Variants in SHANK2 observed in about 807,000 individuals in gnomAD.
SHANK2 encodes the protein SH3 and multiple ankyrin repeat domains protein 2.
Under a neutral mutation model 133.7 loss-of-function variants are expected in SHANK2, and 43 were observed. That is an observed-to-expected ratio of 0.32 (90% CI 0.25 to 0.41). The LOEUF is 0.41. SHANK2 is among the 10% of genes least tolerant of loss of function. The pLI is 1.00. For missense variants in SHANK2, 1,994 were observed against 2,235.8 expected, an observed-to-expected ratio of 0.89 and a Z score of 2.18; for synonymous variants, 1,017 against 952.8, an observed-to-expected ratio of 1.07 and a Z score of -1.24.
chr11:70,635,754 TG>T (rs1321958139), intron 17 of SHANK2, among the ~76,000 whole-genome samples: 8 of 145,110 alleles, frequency 5.5e-5, no homozygotes, highest in Admixed American at 5.1e-4. Context: ...AAAGTATAAC[TG>T]TAAAAAAAAA....
intron 2 of SHANK2, among the ~76,000 whole-genome samples, chr11:71,204,906 G>C (rs145773410): frequency 6.6e-6 from 1 of 152,214 alleles, no homozygotes; most frequent in Non-Finnish European, 1.5e-5. Flanking sequence ...TCCCAGGTAG[G>C]AGGGTCCCTC....
At chr11:71,229,585 A>G (rs1324933381) in intron 1 of SHANK2, among the ~76,000 whole-genome samples, 3 of 152,010 alleles carry the variant, frequency 2.0e-5, no homozygotes, top group Non-Finnish European at 4.4e-5. Context: ...CCTGGCCAAC[A>G]TGGTGAAACC....
intron 14 of SHANK2, among the ~76,000 whole-genome samples, chr11:70,727,401 C>T (rs7106447): frequency 0.012 from 1,808 of 152,314 alleles, 35 homozygotes; most frequent in African/African-American, 0.041. Flanking sequence ...GGGGTTCCTT[C>T]GGGGATGCCA....
intron 17 of SHANK2, 146 bp downstream of exon 17, chr11:70,659,681 TG>T: frequency 1.0e-6 from 1 of 961,876 alleles, no homozygotes; most frequent in Non-Finnish European, 1.6e-6. Flanking sequence ...GCACCCACGG[TG>T]GGAGAAACTG....
intron 17 of SHANK2, among the ~76,000 whole-genome samples, chr11:70,602,236 T>C (rs1591635687): frequency 6.6e-6 from 1 of 152,222 alleles, no homozygotes; most frequent in Non-Finnish European, 1.5e-5. Flanking sequence ...CCATGCTTCT[T>C]GTACAGCCTG....
intron 14 of SHANK2, among the ~76,000 whole-genome samples, chr11:70,764,073 T>C (rs1417486901): frequency 1.4e-5 from 2 of 141,290 alleles, no homozygotes; most frequent in Admixed American, 1.4e-4. Flanking sequence ...AATCCATCCA[T>C]CCATCCATCC....
intron 4 of SHANK2, among the ~76,000 whole-genome samples, chr11:71,116,650 G>T (rs1461048359): frequency 1.3e-5 from 2 of 152,246 alleles, no homozygotes; most frequent in Non-Finnish European, 2.9e-5. Flanking sequence ...ATGAATTGGA[G>T]AATGGTATGG....
chr11:70,733,006 C>T (rs187442444), intron 14 of SHANK2, among the ~76,000 whole-genome samples: 6 of 152,324 alleles, frequency 3.9e-5, no homozygotes, highest in South Asian at 2.1e-4. Flanking sequence ...CAGATGCTGC[C>T]GATGGAGTGA....
intron 17 of SHANK2, among the ~76,000 whole-genome samples, chr11:70,567,270 G>T (rs1477655830): frequency 6.6e-6 from 1 of 152,184 alleles, no homozygotes; most frequent in Non-Finnish European, 1.5e-5. Flanking sequence ...CTGTAGAGAG[G>T]TAATTAAGTT....
intron 14 of SHANK2, among the ~76,000 whole-genome samples, chr11:70,733,354 A>T (rs1178711712): frequency 1.3e-5 from 2 of 152,242 alleles, no homozygotes; most frequent in African/African-American, 4.8e-5. Flanking sequence ...TATGTGTGAT[A>T]CAGAATGTCT....
At chr11:70,554,086 G>C (rs2059801305) in intron 17 of SHANK2, among the ~76,000 whole-genome samples, 1 of 152,242 alleles carries the variant, frequency 6.6e-6, no homozygotes, top group African/African-American at 2.4e-5. Flanking sequence ...CTCCTTTGTG[G>C]GGAGCAGATG....
intron 11 of SHANK2, among the ~76,000 whole-genome samples, chr11:70,870,863 G>A (rs944820562): frequency 1.7e-4 from 26 of 152,070 alleles, no homozygotes; most frequent in Non-Finnish European, 3.4e-4. Context: ...TGCAGCCTCC[G>A]CCCACACAGA....
At chr11:70,728,236 A>G (rs1403478201) in intron 14 of SHANK2, among the ~76,000 whole-genome samples, 1 of 152,232 alleles carries the variant, frequency 6.6e-6, no homozygotes, top group Non-Finnish European at 1.5e-5. Context: ...AATCCAACAA[A>G]TGAGAGTGTC....
intron 9 of SHANK2, among the ~76,000 whole-genome samples, chr11:71,062,134 T>C (rs1950995764): frequency 6.6e-6 from 1 of 152,062 alleles, no homozygotes; most frequent in African/African-American, 2.4e-5. Flanking sequence ...TTTTGTATTT[T>C]CTGTAGAGAC....
At chr11:71,121,740 G>A (rs1333333692) in intron 3 of SHANK2, among the ~76,000 whole-genome samples, 1 of 152,164 alleles carries the variant, frequency 6.6e-6, no homozygotes, top group Non-Finnish European at 1.5e-5. Flanking sequence ...ATTAATTTTT[G>A]TATAAGGTGT....
chr11:70,580,471 C>T lies in SHANK2; in HGVS notation c.2062-77540G>A, dbSNP rs114043669. On this transcript the variant is annotated intron_variant, in intron 17 of 25. Coordinates refer to ENST00000601538, the MANE Select transcript of SHANK2 (RefSeq NM_012309.5). ...ACCCTCCTGCAGGATGAAATTGGACCGCCAATGAGCGGCGTGGGCCTGCAG... is the reference window on the plus strand; with the variant it reads ...ACCCTCCTGCAGGATGAAATTGGACTGCCAATGAGCGGCGTGGGCCTGCAG... Among the ~76,000 whole-genome samples, 1,471 of 152,336 alleles carry T rather than the reference C, an allele frequency of 9.7e-3. 33 individuals carry two copies. Among genetic ancestry groups the T allele is most frequent in the African/African-American group, 0.034 (1,393 of 41,576 alleles).
intron 11 of SHANK2, among the ~76,000 whole-genome samples, chr11:70,891,784 G>T (rs1555074764): frequency 1.3e-5 from 2 of 152,138 alleles, no homozygotes; most frequent in Non-Finnish European, 2.9e-5. Flanking sequence ...GGGTGACCAT[G>T]ATGGACCCTC....
intron 14 of SHANK2, among the ~76,000 whole-genome samples, chr11:70,718,174 C>CTA (rs1248626818): frequency 3.3e-5 from 5 of 152,218 alleles, no homozygotes; most frequent in Admixed American, 6.5e-5. Context: ...TTCAACCCGG[C>CTA]TATTAGGATG....
intron 15 of SHANK2, among the ~76,000 whole-genome samples, chr11:70,690,877 T>A (rs371079397): frequency 6.6e-6 from 1 of 152,046 alleles, no homozygotes; most frequent in Non-Finnish European, 1.5e-5. Flanking sequence ...CAGCAATGTG[T>A]CAAGGATGTT....
Sources: gnomAD v4.1 joint callset for allele counts (sites outside exome capture counted in the v4.1 genomes callset) on GRCh38, gnomAD v4.1.1 for gene constraint, MANE v1.5 for transcripts, NCBI Gene and HGNC (gene_info 2026-07-23, HGNC 2026-07-21) for gene names.